WASHC5: variants seen among roughly 807,000 people sequenced by gnomAD.
WASHC5 encodes the protein WASH complex subunit 5.
WASHC5 carries 101 observed loss-of-function variants against 150.4 expected under a neutral mutation model. The ratio of observed to expected loss-of-function variants is 0.67; its 90% CI spans 0.57 to 0.79. WASHC5 has a LOEUF of 0.79. Among genes scored for constraint, WASHC5 ranks in the 30% least tolerant of loss-of-function variants. The probability of loss-of-function intolerance (pLI) is 0.00; values close to 1 mark genes in which losing one functional copy is unlikely to be tolerated. For synonymous variants in WASHC5, 467 were observed against 491.2 expected (o/e 0.95, Z 0.65); for missense variants, 1,195 against 1,396.3 (o/e 0.86, Z 2.30).
rs777297323 is a variant in WASHC5, at chr8:125,059,301, T to C, written c.1689-4A>G. 9 of 1,613,836 alleles carry C rather than the reference T, an allele frequency of 5.6e-6. No individual in the cohort carries two copies. The highest frequency in any genetic ancestry group is 1.3e-5 in the African/African-American group (1 of 74,904). On this transcript the variant is annotated splice_region_variant and splice_polypyrimidine_tract_variant and intron_variant, in intron 13 of 28. Coordinates refer to ENST00000318410, the MANE Select transcript of WASHC5 (RefSeq NM_014846.4). ...TTCTTGCATGATGGATGTGAAACTG[T>C]AAAAAGAAAAGAAACGGTAAGAAGA...
In WASHC5 at chr8:125,064,331, T is replaced by C. The variant is rs913148534; in HGVS notation, c.1279-680A>G. 2.0e-4 allele frequency among the ~76,000 whole-genome samples: 30 copies of C among 152,094 alleles called. 1 individual carries two copies. The highest frequency in any genetic ancestry group is 3.4e-3 in the Middle Eastern group (1 of 294). ...GATCCTCCTGCCTCAGCCTCTCAAG[T>C]AGCTAGGGCTATGGGCATGCGCCAC... On this transcript the variant is annotated intron_variant, in intron 10 of 28. Coordinates refer to ENST00000318410, the MANE Select transcript of WASHC5 (RefSeq NM_014846.4).
At chr8:125,081,850 T>C (rs1185996728) in intron 4 of WASHC5, 89 bp from the exon 5 acceptor site, 9 of 799,168 alleles carry the variant, frequency 1.1e-5, no homozygotes, top group Non-Finnish European at 1.7e-5. Flanking sequence ...ATTGCTTTGC[T>C]CACACTTCTT....
At chr8:125,049,356 C>T (rs926187187) in intron 18 of WASHC5, among the ~76,000 whole-genome samples, 171 bp from the exon 19 acceptor site, 2 of 152,064 alleles carry the variant, frequency 1.3e-5, no homozygotes, top group African/African-American at 4.8e-5. Context: ...GTCAGGAGTT[C>T]AAGACCAGCC....
chr8:125,044,128 C>T (rs1815981357), intron 21 of WASHC5, 34 bp from the exon 22 acceptor site: 2 of 1,384,630 alleles, frequency 1.4e-6, no homozygotes, highest in African/African-American at 2.8e-5. Flanking sequence ...AAGAACCAAA[C>T]ATAATGAATT....
chr8:125,059,601 T>C, intron 12 of WASHC5, 59 bp from the exon 13 acceptor site: 5 of 1,335,984 alleles, frequency 3.7e-6, no homozygotes, highest in Non-Finnish European at 5.4e-6. Context: ...GGTGCTCATT[T>C]GTTCTTGAAA....
intron 26 of WASHC5, among the ~76,000 whole-genome samples, chr8:125,034,504 GA>G (rs1163509166): frequency 6.8e-5 from 10 of 146,158 alleles, no homozygotes; most frequent in Middle Eastern, 3.4e-3. Flanking sequence ...CTCTGTTTCA[GA>G]AAAAAAAAAA....
intron 16 of WASHC5, 139 bp downstream of exon 16, chr8:125,056,538 C>G: frequency 1.0e-6 from 1 of 954,820 alleles, no homozygotes; most frequent in Non-Finnish European, 1.7e-6. Context: ...TCATAAAACG[C>G]GTTTACCATT....
chr8:125,044,341 T>C, intron 21 of WASHC5, 195 bp downstream of exon 21: 1 of 689,028 alleles, frequency 1.5e-6, no homozygotes, highest in Non-Finnish European at 2.5e-6. Context: ...AACAGTCTAA[T>C]CCTAAAAGTA....
intron 28 of WASHC5, among the ~76,000 whole-genome samples, chr8:125,026,677 G>A (rs1327223483): frequency 1.3e-5 from 2 of 151,994 alleles, no homozygotes; most frequent in Non-Finnish European, 2.9e-5. Context: ...CTTAATTTGA[G>A]ATGCTACTTT....
intron 16 of WASHC5, 65 bp from the exon 17 acceptor site, chr8:125,055,736 C>G: frequency 2.0e-6 from 2 of 1,004,616 alleles, no homozygotes; most frequent in Non-Finnish European, 3.2e-6. Context: ...ACAAAGATAA[C>G]AGGAAAAGAA....
intron 6 of WASHC5, among the ~76,000 whole-genome samples, chr8:125,077,192 T>C (rs1817089279): frequency 6.6e-6 from 1 of 152,220 alleles, no homozygotes; most frequent in Admixed American, 6.5e-5. Flanking sequence ...GAAATTGTTA[T>C]AAGGGCAGAC....
At chr8:125,061,752 A>G (rs148535113) in intron 11 of WASHC5, among the ~76,000 whole-genome samples, 1 of 152,322 alleles carries the variant, frequency 6.6e-6, no homozygotes, top group East Asian at 1.9e-4. Flanking sequence ...GACATTTCAT[A>G]CAGTAGAGAA....
chr8:125,032,565 T>C lies in WASHC5; in HGVS notation c.3182-171A>G, dbSNP rs1251897905. 2.2e-5 allele frequency: 17 copies of C among 758,296 alleles called. No homozygotes were observed. In the East Asian group the frequency reaches 3.8e-4, roughly 17 times the overall value. 47.0% of individuals were successfully genotyped at this position (758,296 alleles called of 1,614,324 possible). A position where few individuals can be genotyped will look rare whatever the true frequency, so the allele number is the denominator to read the frequency against. The stretch of plus-strand genomic sequence containing the variant: ...TATTTTGAATTAGCCACAGGATTGG[T>C]AGGGCATTCCAGGGGTCTGAAGGAT... On this transcript the variant is annotated intron_variant, in intron 26 of 28. Transcript: ENST00000318410.
intron 19 of WASHC5, 122 bp from the exon 20 acceptor site, chr8:125,047,453 T>G: frequency 9.8e-7 from 1 of 1,019,032 alleles, no homozygotes; most frequent in East Asian, 2.8e-5. Context: ...TGTTTTTTTT[T>G]TTTAGATGGA....
At position 125,072,281 on chromosome 8, in the gene WASHC5, G is replaced by A. The variant is rs1444109775; in HGVS notation, c.1150+872C>T. On this transcript the variant is annotated intron_variant, in intron 9 of 28. Transcript: ENST00000318410. The stretch of plus-strand genomic sequence containing the variant: ...TATCGCTTGAGCCCAGGAGGTCTGA[G>A]TGAGCTGAGATTGTGCCACTGCACT... 4.2e-5 allele frequency among the ~76,000 whole-genome samples: 6 copies of A among 141,684 alleles called. No individual in the cohort carries two copies. The Admixed American group carries it at 4.6e-4, about 11-fold the overall frequency. 93.0% of individuals were successfully genotyped at this position (141,684 alleles called of 152,430 possible). A position where few individuals can be genotyped will look rare whatever the true frequency, so the allele number is the denominator to read the frequency against.
intron 8 of WASHC5, 91 bp from the exon 9 acceptor site, chr8:125,073,415 A>C: frequency 9.5e-7 from 1 of 1,053,644 alleles, no homozygotes; most frequent in South Asian, 1.3e-5. Flanking sequence ...AAATAGTAAC[A>C]TTTCTATATA....
Position 125,067,782 on chromosome 8 carries a change from A to G in WASHC5, c.1151-63T>C. The stretch of plus-strand genomic sequence containing the variant: ...GTAGAAAATATCTATGAAATAAGAT[A>G]AATTATTAAATATTTTCCTTCATTT... On this transcript the variant is annotated intron_variant, in intron 9 of 28. Transcript: ENST00000318410. 6 of 1,526,092 alleles carry G rather than the reference A, an allele frequency of 3.9e-6. No homozygotes were observed. In the South Asian group the frequency reaches 6.9e-5, roughly 18 times the overall value. 94.5% of individuals were successfully genotyped at this position (1,526,092 alleles called of 1,614,324 possible).
chr8:125,042,449 C>T lies in WASHC5; in HGVS notation c.2850+1376G>A, dbSNP rs1219285558. ...TATTAACACTGGCTCCGTGACTGTA[C>T]GCACCCTAATTCAAGACAAAAAGAC... On this transcript the variant is annotated intron_variant, in intron 23 of 28. Coordinates refer to ENST00000318410, the MANE Select transcript of WASHC5 (RefSeq NM_014846.4). Among the ~76,000 whole-genome samples the T allele has an allele frequency of 2.0e-5, 3 of 152,094 alleles. No homozygotes were observed. In the East Asian group the frequency reaches 5.8e-4, roughly 29 times the overall value.
chr8:125,053,103 CTTTTTTT>C, intron 17 of WASHC5, among the ~76,000 whole-genome samples: 1 of 136,422 alleles, frequency 7.3e-6, no homozygotes, highest in Middle Eastern at 3.8e-3. Flanking sequence ...ACCTGTATTT[CTTTTTTT>C]TTTTTTTTGC....
Sources: gnomAD v4.1 joint callset for allele counts (sites outside exome capture counted in the v4.1 genomes callset) on GRCh38, gnomAD v4.1.1 for gene constraint, MANE v1.5 for transcripts, NCBI Gene and HGNC (gene_info 2026-07-23, HGNC 2026-07-21) for gene names.